Variants in AGR2 observed in about 807,000 individuals in gnomAD.
AGR2 encodes the protein anterior gradient 2, protein disulphide isomerase family member.
In AGR2, 27 loss-of-function variants were observed where a neutral mutation model predicts 25.9. That is an observed-to-expected ratio of 1.04 (90% confidence interval 0.77 to 1.44). AGR2 has a LOEUF of 1.44. Ranked by LOEUF, AGR2 falls within the 40% of genes most tolerant of loss-of-function variation. AGR2 has a pLI of 0.00. For synonymous variants in AGR2, 78 were observed against 72.0 expected (o/e 1.08, Z -0.42); for missense variants, 182 against 200.9 (o/e 0.91, Z 0.57).
At chr7:16,796,311 G>T (rs1785044772) in intron 6 of AGR2, among the ~76,000 whole-genome samples, 1 of 152,210 alleles carries the variant, frequency 6.6e-6, no homozygotes, top group Non-Finnish European at 1.5e-5. Context: ...TACAAGGTAT[G>T]AACAGACATC....
chr7:16,796,148 T>G lies in AGR2; in HGVS notation c.395-1129A>C, dbSNP rs147059167. On this transcript the variant is annotated intron_variant, in intron 6 of 7. Coordinates refer to ENST00000419304, the MANE Select transcript of AGR2 (RefSeq NM_006408.4). ...TTGAGGTGTGGCCTGGGCAACTTGA[T>G]CTTTAAAATCCTCCAGGTGATTCAA... Among the ~76,000 whole-genome samples the G allele has an allele frequency of 4.6e-5, 7 of 152,294 alleles. No homozygotes were observed. The East Asian group carries it at 1.2e-3, about 25-fold the overall frequency.
rs1785040845 is a variant in AGR2, at chr7:16,796,102, A to G, written c.395-1083T>C. 6.4e-5 allele frequency among the ~76,000 whole-genome samples: 4 copies of G among 62,312 alleles called. 1 individual carries two copies. The South Asian group carries it at 2.5e-3, about 39-fold the overall frequency. The allele number at this position is 62,312 out of a possible 152,430, so 40.9% of individuals were successfully genotyped here. A position where few individuals can be genotyped will look rare whatever the true frequency, so the allele number is the denominator to read the frequency against. Reference sequence around the variant, plus strand: ...CTATGGATGCCTGCCTCCCACCCCCAGAGATTCTGATTTAATTGGTTTGAG... The same window carrying G: ...CTATGGATGCCTGCCTCCCACCCCCGGAGATTCTGATTTAATTGGTTTGAG... On this transcript the variant is annotated intron_variant, in intron 6 of 7. Coordinates refer to ENST00000419304, the MANE Select transcript of AGR2 (RefSeq NM_006408.4).
Position 16,792,694 on chromosome 7 carries a change from G to A in AGR2, c.*214C>T. ...TTATTTTTTTTTTTAGAAAATCATG[G>A]CTCACTATGGTAGTATACAATATTG... On this transcript the variant is annotated 3_prime_UTR_variant, in exon 8 of 8. Transcript: ENST00000419304. 2.1e-6 allele frequency: 1 copy of A among 486,510 alleles called. No individual in the cohort carries two copies. The highest frequency in any genetic ancestry group is 3.6e-6 in the Non-Finnish European group (1 of 274,254). The allele number at this position is 486,510 out of a possible 1,614,324, so 30.1% of individuals were successfully genotyped here. A position where few individuals can be genotyped will look rare whatever the true frequency, so the allele number is the denominator to read the frequency against.
chr7:16,794,389 C>T (rs961132562), intron 7 of AGR2, among the ~76,000 whole-genome samples: 9 of 152,164 alleles, frequency 5.9e-5, no homozygotes, highest in African/African-American at 1.9e-4. Context: ...CTAGCTACAG[C>T]GTTGCATTGA....
rs200998414 is a variant in AGR2, at chr7:16,801,134, T to G, written c.256+17A>C. ...TAAAAGCCTATAAAGGAAATCATAC[T>G]TAGAAGAATAAATTACCTTGACTGT... is the stretch of plus-strand genomic sequence containing the variant. On this transcript the variant is annotated intron_variant, in intron 4 of 7. Coordinates refer to ENST00000419304, the MANE Select transcript of AGR2 (RefSeq NM_006408.4). 3.7e-6 allele frequency: 6 copies of G among 1,609,316 alleles called. No individual in the cohort carries two copies. In the African/African-American group the frequency reaches 6.7e-5, roughly 18 times the overall value.
In AGR2 at chr7:16,792,985, A is replaced by C. The variant is rs530285752; in HGVS notation, c.479-28T>G. ...AATGGGGGATAAAAGCAGGAGAGTC[A>C]AGACACCATCGTGCGTTATATCGAT... On this transcript the variant is annotated intron_variant, in intron 7 of 7. Coordinates refer to ENST00000419304, the MANE Select transcript of AGR2 (RefSeq NM_006408.4). 18 of 1,605,434 alleles carry C rather than the reference A, an allele frequency of 1.1e-5. No homozygotes were observed. In the South Asian group the frequency reaches 2.0e-4, roughly 18 times the overall value.
chr7:16,793,413 A>G (rs1022233015), intron 7 of AGR2, among the ~76,000 whole-genome samples: 8 of 152,206 alleles, frequency 5.3e-5, no homozygotes, highest in Non-Finnish European at 1.2e-4. Flanking sequence ...AAAAAATTAT[A>G]TGAAATGGCT....
At chr7:16,801,849 C>A in intron 1 of AGR2, 46 bp from the exon 2 acceptor site, 1 of 1,565,520 alleles carries the variant, frequency 6.4e-7, no homozygotes. Context: ...ATTGAACTAG[C>A]AGTCTTCAGG....
In AGR2 at chr7:16,797,644, C is replaced by G. The variant is rs757410542; in HGVS notation, c.381G>C (p.Arg127Ser). ...HLSPDGQYVP[R>S]IMFVDPSLTV... Reference sequence around the variant, plus strand: ...ACTTCCGCTTACCAACAAACATAATCCTGGGGACATACTGGCCATCAGGAG... The same window carrying G: ...ACTTCCGCTTACCAACAAACATAATGCTGGGGACATACTGGCCATCAGGAG... Residue 127 changes from arginine (R) to serine (S), a missense_variant, in exon 6 of 8, where the codon AGG becomes AGC. Arg to Ser is a moderately radical substitution (Grantham distance 110). Transcript: ENST00000419304. The G allele has an allele frequency of 4.3e-6, 7 of 1,613,838 alleles. No individual in the cohort carries two copies. Among genetic ancestry groups the G allele is most frequent in the Non-Finnish European group, 5.9e-6 (7 of 1,179,948 alleles).
intron 6 of AGR2, among the ~76,000 whole-genome samples, 187 bp from the exon 7 acceptor site, chr7:16,795,206 G>C (rs1335372777): frequency 6.6e-6 from 1 of 152,140 alleles, no homozygotes; most frequent in African/African-American, 2.4e-5. Context: ...CAAATGCAGG[G>C]CTGGAAACAT....
At chr7:16,801,547 C>T (rs867475150) in intron 2 of AGR2, 111 bp downstream of exon 2, 1 of 1,460,226 alleles carries the variant, frequency 6.8e-7, no homozygotes, top group Admixed American at 1.7e-5. Context: ...CTAGAAGGAA[C>T]ACAACCAAAA....
At chr7:16,800,996 A>C (rs1393092443) in intron 4 of AGR2, among the ~76,000 whole-genome samples, 155 bp downstream of exon 4, 1 of 152,246 alleles carries the variant, frequency 6.6e-6, no homozygotes, top group Non-Finnish European at 1.5e-5. Flanking sequence ...CAAAATGTGG[A>C]GATATTTGAA....
intron 6 of AGR2, 40 bp from the exon 7 acceptor site, chr7:16,795,059 G>A: frequency 6.2e-7 from 1 of 1,607,156 alleles, no homozygotes; most frequent in Admixed American, 1.7e-5. Context: ...GGAATGGTTT[G>A]TTTTCAAACA....
At chr7:16,799,503 T>G in intron 5 of AGR2, 1 of 430,346 alleles carries the variant, frequency 2.3e-6, no homozygotes, top group Non-Finnish European at 4.1e-6. Flanking sequence ...ACAGAAAAAA[T>G]TCTGACTACG....
At chr7:16,803,669 C>G (rs1255919186) in intron 1 of AGR2, among the ~76,000 whole-genome samples, 1 of 152,116 alleles carries the variant, frequency 6.6e-6, no homozygotes, top group Non-Finnish European at 1.5e-5. Context: ...TTTTCTATAC[C>G]TACAAAGATG....
intron 5 of AGR2, among the ~76,000 whole-genome samples, chr7:16,798,134 C>G (rs1026774848): frequency 6.6e-5 from 10 of 152,168 alleles, no homozygotes; most frequent in African/African-American, 2.2e-4. Context: ...AATGCACACT[C>G]TATTGAGAGA....
chr7:16,802,137 T>C (rs1785159890), intron 1 of AGR2, among the ~76,000 whole-genome samples: 1 of 152,068 alleles, frequency 6.6e-6, no homozygotes, highest in Non-Finnish European at 1.5e-5. Flanking sequence ...GTGAGCACAG[T>C]GCAATAAGAT....
intron 6 of AGR2, among the ~76,000 whole-genome samples, chr7:16,796,228 G>C (rs1380524082): frequency 2.0e-5 from 3 of 152,184 alleles, no homozygotes; most frequent in Non-Finnish European, 4.4e-5. Context: ...CCTTGGAGCT[G>C]GTTCTTAGGA....
Position 16,799,699 on chromosome 7 carries a change from A to C in AGR2, c.330+45T>G, listed in dbSNP as rs776682877. 3.6e-6 allele frequency: 5 copies of C among 1,386,794 alleles called. No individual in the cohort carries two copies. The South Asian group carries it at 6.0e-5, about 17-fold the overall frequency. The allele number at this position is 1,386,794 out of a possible 1,614,324, so 85.9% of individuals were successfully genotyped here. A position where few individuals can be genotyped will look rare whatever the true frequency, so the allele number is the denominator to read the frequency against. On this transcript the variant is annotated intron_variant, in intron 5 of 7. Transcript: ENST00000419304. ...GAAAAATGAATCATCCATTTCAAGT[A>C]ATGAGCCATAGAGAAATGTTAGTAA... is the stretch of plus-strand genomic sequence containing the variant.
Sources: allele counts gnomAD v4.1 joint callset (sites outside exome capture counted in the v4.1 genomes callset), GRCh38; gene constraint gnomAD v4.1.1; transcripts MANE v1.5; gene names NCBI Gene and HGNC (gene_info 2026-07-23, HGNC 2026-07-21).